FOCAD: variants seen among roughly 807,000 people sequenced by gnomAD.
FOCAD encodes the protein KIAA1797.
A neutral mutation model predicts 225.6 loss-of-function variants in FOCAD; 198 were observed. That is an observed-to-expected ratio of 0.88 (90% CI 0.78 to 0.99). The LOEUF (loss-of-function observed/expected upper bound fraction) is 0.99, where lower values mean the gene tolerates loss of function less well. FOCAD is among the 50% of genes least tolerant of loss of function. The pLI is 0.00. For missense variants in FOCAD, 2,713 were observed against 2,123.6 expected (o/e 1.28, Z -5.46); for synonymous variants, 897 against 755.0 (o/e 1.19, Z -3.08).
At chr9:20,701,734 A>G (rs1470315681) in intron 1 of FOCAD, among the ~76,000 whole-genome samples, 1 of 152,234 alleles carries the variant, frequency 6.6e-6, no homozygotes, top group Admixed American at 6.5e-5. Flanking sequence ...AGTTAAGTTT[A>G]GATAAACAAT....
At chr9:20,905,958 A>G (rs1227723866) in intron 21 of FOCAD, among the ~76,000 whole-genome samples, 3 of 151,482 alleles carry the variant, frequency 2.0e-5, no homozygotes, top group African/African-American at 4.9e-5. Flanking sequence ...AAAAACAGCA[A>G]TGCCATGAGA....
At chr9:20,756,191 A>T (rs999723859) in intron 5 of FOCAD, among the ~76,000 whole-genome samples, 1 of 152,154 alleles carries the variant, frequency 6.6e-6, no homozygotes, top group Non-Finnish European at 1.5e-5. Flanking sequence ...GCTTGGAGTG[A>T]TCCCTTAGCA....
chr9:20,816,788 G>A (rs1445462457), intron 11 of FOCAD, among the ~76,000 whole-genome samples: 1 of 151,708 alleles, frequency 6.6e-6, no homozygotes, highest in Non-Finnish European at 1.5e-5. Flanking sequence ...CATATTTGGG[G>A]AAGAAAATAA....
intron 35 of FOCAD, among the ~76,000 whole-genome samples, chr9:20,961,569 G>C (rs990446784): frequency 6.6e-6 from 1 of 152,074 alleles, no homozygotes; most frequent in African/African-American, 2.4e-5. Context: ...GGACAGAGCT[G>C]GGAAACATAT....
Position 20,764,040 on chromosome 9 carries a change from A to G in FOCAD, c.495-829A>G, listed in dbSNP as rs75089634. On this transcript the variant is annotated intron_variant, in intron 6 of 43. Coordinates refer to ENST00000338382, the MANE Select transcript of FOCAD (RefSeq NM_001375567.1). The stretch of plus-strand genomic sequence containing the variant: ...TTTATTTCATAGGGTTGTGGTGAGG[A>G]TTAAATGGATTTAAAGACATAACAT... 8.8e-3 allele frequency among the ~76,000 whole-genome samples: 1,337 copies of G among 152,240 alleles called. 17 individuals carry two copies. The highest frequency in any genetic ancestry group is 0.025 in the African/African-American group (1,059 of 41,544).
intron 1 of FOCAD, among the ~76,000 whole-genome samples, chr9:20,707,192 G>C (rs1379045266): frequency 6.6e-6 from 1 of 152,176 alleles, no homozygotes; most frequent in East Asian, 1.9e-4. Context: ...TATTGACCAA[G>C]TGGCTCTGTC....
chr9:20,675,129 G>C (rs1283547174), intron 2 of FOCAD, among the ~76,000 whole-genome samples: 1 of 152,194 alleles, frequency 6.6e-6, no homozygotes. Context: ...TCATAGGCCA[G>C]CCCTGAACCA....
At chr9:20,842,632 T>G (rs61312764) in intron 15 of FOCAD, among the ~76,000 whole-genome samples, 34,737 of 151,868 alleles carry the variant, frequency 0.23, 4,025 homozygotes, top group Non-Finnish European at 0.25. Flanking sequence ...AGTATGTTTC[T>G]TGTAGACAGC....
chr9:20,692,904 A>G (rs188254576), intron 1 of FOCAD, among the ~76,000 whole-genome samples: 28 of 152,268 alleles, frequency 1.8e-4, no homozygotes, highest in Admixed American at 3.3e-4. Context: ...AGCAGTTTGT[A>G]TACAGAGATT....
At chr9:20,789,646 AG>A (rs763007042) in intron 11 of FOCAD, 38 bp downstream of exon 11, 2 of 1,601,772 alleles carry the variant, frequency 1.2e-6, no homozygotes, top group African/African-American at 2.7e-5. Context: ...ATGAGAGGAA[AG>A]CTTAATCATT....
At chr9:20,925,496 C>T (rs944389646) in intron 25 of FOCAD, among the ~76,000 whole-genome samples, 2 of 152,188 alleles carry the variant, frequency 1.3e-5, no homozygotes, top group Non-Finnish European at 2.9e-5. Context: ...TTGGCTGTTA[C>T]TCAATGCAAA....
rs530866907 is a variant in FOCAD, at chr9:20,763,154, C to T, written c.495-1715C>T. On this transcript the variant is annotated intron_variant, in intron 6 of 43. Coordinates refer to ENST00000338382, the MANE Select transcript of FOCAD (RefSeq NM_001375567.1). ...AAGTCATGACATTTAATTGCATGCT[C>T]ATTATAAAACTACTCTGTAACTTAG... Among the ~76,000 whole-genome samples the T allele has an allele frequency of 4.0e-4, 61 of 152,202 alleles. No individual in the cohort carries two copies. The South Asian group carries it at 6.2e-3, about 16-fold the overall frequency.
chr9:20,805,067 A>C (rs1822275059), intron 11 of FOCAD, among the ~76,000 whole-genome samples: 2 of 152,202 alleles, frequency 1.3e-5, no homozygotes, highest in South Asian at 4.1e-4. Flanking sequence ...AATTCACGAT[A>C]GCATGAAAGC....
chr9:20,668,905 C>T (rs915156222), intron 2 of FOCAD, among the ~76,000 whole-genome samples: 1 of 152,212 alleles, frequency 6.6e-6, no homozygotes, highest in Non-Finnish European at 1.5e-5. Flanking sequence ...GGCTGTGTGG[C>T]ACGCTCCCCG....
intron 6 of FOCAD, among the ~76,000 whole-genome samples, chr9:20,763,082 A>C (rs1829756726): frequency 6.6e-6 from 1 of 152,196 alleles, no homozygotes; most frequent in Non-Finnish European, 1.5e-5. Flanking sequence ...TTTGTATCTT[A>C]TCTAATCATT....
At chr9:20,862,225 C>T (rs529980760) in intron 15 of FOCAD, among the ~76,000 whole-genome samples, 1 of 151,790 alleles carries the variant, frequency 6.6e-6, no homozygotes, top group South Asian at 2.1e-4. Flanking sequence ...ATTATCTTAC[C>T]TGCTTTGTTT....
intron 11 of FOCAD, among the ~76,000 whole-genome samples, chr9:20,806,205 A>G (rs1218435716): frequency 6.6e-6 from 1 of 152,228 alleles, no homozygotes; most frequent in African/African-American, 2.4e-5. Flanking sequence ...ATATGTTTTC[A>G]GAAAGAAGCC....
intron 1 of FOCAD, among the ~76,000 whole-genome samples, chr9:20,687,028 A>G (rs1822709674): frequency 6.6e-6 from 1 of 150,714 alleles, no homozygotes; most frequent in Non-Finnish European, 1.5e-5. Flanking sequence ...CTCAGGTCAT[A>G]TTGAAAGTAA....
In FOCAD at chr9:20,950,990, T is replaced by G. The variant is rs1204465932; in HGVS notation, c.3949-6T>G. 6.2e-7 allele frequency: 1 copy of G among 1,610,680 alleles called. No individual in the cohort carries two copies. The highest frequency in any genetic ancestry group is 8.5e-7 in the Non-Finnish European group (1 of 1,177,028). ...CATCATTGAACTGTTACCTTTTTAT[T>G]TGTAGGTCATTAGTGTCTCTGGGGT... is the stretch of plus-strand genomic sequence containing the variant. On this transcript the variant is annotated splice_polypyrimidine_tract_variant and splice_region_variant and intron_variant, in intron 33 of 43. Transcript: ENST00000338382.
Sources: allele counts gnomAD v4.1 joint callset (sites outside exome capture counted in the v4.1 genomes callset), GRCh38; gene constraint gnomAD v4.1.1; transcripts MANE v1.5; gene names NCBI Gene and HGNC (gene_info 2026-07-23, HGNC 2026-07-21).